MACROD2: variants seen among roughly 807,000 people sequenced by gnomAD.
MACROD2 encodes the protein ADP-ribose glycohydrolase MACROD2.
Under a neutral mutation model 70.4 loss-of-function variants are expected in MACROD2, and 36 were observed. The ratio of observed to expected loss-of-function variants is 0.51; its 90% confidence interval spans 0.39 to 0.68. The LOEUF (loss-of-function observed/expected upper bound fraction) is 0.68, where lower values mean the gene tolerates loss of function less well. MACROD2 is among the 30% of genes least tolerant of loss of function. The probability of loss-of-function intolerance (pLI) is 0.00; values close to 1 mark genes in which losing one functional copy is unlikely to be tolerated. For missense variants in MACROD2, 496 were observed against 538.4 expected, an observed-to-expected ratio of 0.92 and a Z score of 0.78; for synonymous variants, 172 against 178.8, an observed-to-expected ratio of 0.96 and a Z score of 0.30.
At chr20:15,648,630 C>T (rs778494146) in intron 8 of MACROD2, among the ~76,000 whole-genome samples, 23 of 152,156 alleles carry the variant, frequency 1.5e-4, no homozygotes, top group Non-Finnish European at 2.1e-4. Context: ...CTTTCTCACG[C>T]GACAGTGTTT....
At chr20:14,213,361 CAAAA>C (rs60009822) in intron 3 of MACROD2, among the ~76,000 whole-genome samples, 3 of 30,262 alleles carry the variant, frequency 9.9e-5, no homozygotes, top group East Asian at 1.2e-3. Context: ...CTTCTAGTGG[CAAAA>C]AAAAAAAAAA....
At position 15,184,397 on chromosome 20, in the gene MACROD2, AGAACAG is replaced by A. The variant is rs2076521096; in HGVS notation, c.419-45541_419-45536del. Among the ~76,000 whole-genome samples the A allele has an allele frequency of 2.0e-5, 3 of 152,330 alleles. No homozygotes were observed. The South Asian group carries it at 6.2e-4, about 32-fold the overall frequency. On this transcript the variant is annotated intron_variant, in intron 5 of 17. Transcript: ENST00000684519. ...AATATTTTACCCACATGTGTCAGTC[AGAACAG>A]GGTAGTTGCTATAATAAACAACCCC...
chr20:15,763,448 C>T (rs923884217), intron 8 of MACROD2, among the ~76,000 whole-genome samples: 2 of 152,170 alleles, frequency 1.3e-5, no homozygotes, highest in African/African-American at 4.8e-5. Flanking sequence ...AGTATATATT[C>T]ACCACACACA....
intron 5 of MACROD2, among the ~76,000 whole-genome samples, chr20:14,954,650 T>C (rs1001272344): frequency 7.8e-6 from 1 of 128,334 alleles, no homozygotes. Context: ...ATAATATATA[T>C]AATTTAGGTA....
At chr20:14,651,316 G>A (rs1040522913) in intron 4 of MACROD2, among the ~76,000 whole-genome samples, 1 of 152,072 alleles carries the variant, frequency 6.6e-6, no homozygotes, top group African/African-American at 2.4e-5. Context: ...GAAGATTAGT[G>A]CATAGGAACT....
intron 5 of MACROD2, among the ~76,000 whole-genome samples, chr20:14,786,081 T>C (rs1471706687): frequency 2.0e-5 from 3 of 152,118 alleles, no homozygotes; most frequent in East Asian, 1.9e-4. Flanking sequence ...CAATATTGCT[T>C]CTGTCAGATC....
At chr20:14,801,247 G>A (rs769530144) in intron 5 of MACROD2, among the ~76,000 whole-genome samples, 5 of 152,070 alleles carry the variant, frequency 3.3e-5, no homozygotes, top group South Asian at 4.1e-4. Flanking sequence ...TTTCCCCTGC[G>A]CCCCTCAGCA....
intron 5 of MACROD2, among the ~76,000 whole-genome samples, chr20:15,229,429 GTTA>G (rs2076940628): frequency 6.6e-6 from 1 of 152,136 alleles, no homozygotes; most frequent in African/African-American, 2.4e-5. Flanking sequence ...TCTTCTCAAG[GTTA>G]TTAATGATTA....
rs1011108950 is a variant in MACROD2 at position 14,708,867 on chromosome 20, C to T, written c.418+23908C>T. Among the ~76,000 whole-genome samples the T allele has an allele frequency of 4.5e-4, 68 of 152,136 alleles. 4 individuals carry two copies. The highest frequency in any genetic ancestry group is 6.5e-5 in the Admixed American group (1 of 15,270). On this transcript the variant is annotated intron_variant, in intron 5 of 17. Transcript: ENST00000684519. ...ACTCCTGACCTCGTGATCCACCCACCTCGGCCTCCCAAAGTGCTGGAATTA... is the reference window on the plus strand; with the variant it reads ...ACTCCTGACCTCGTGATCCACCCACTTCGGCCTCCCAAAGTGCTGGAATTA...
At chr20:15,203,447 C>T (rs567796653) in intron 5 of MACROD2, among the ~76,000 whole-genome samples, 1 of 152,092 alleles carries the variant, frequency 6.6e-6, no homozygotes, top group African/African-American at 2.4e-5. Context: ...GTGGATAATT[C>T]CTTGACTATT....
intron 3 of MACROD2, among the ~76,000 whole-genome samples, chr20:14,251,141 T>C (rs2082009226): frequency 6.6e-6 from 1 of 152,156 alleles, no homozygotes; most frequent in Non-Finnish European, 1.5e-5. Context: ...TACTATCAGA[T>C]CACAACAAAA....
intron 3 of MACROD2, among the ~76,000 whole-genome samples, chr20:14,379,605 T>C (rs1214782179): frequency 6.6e-6 from 1 of 152,116 alleles, no homozygotes. Flanking sequence ...TAAACAATAA[T>C]TCCCCATTTT....
intron 3 of MACROD2, among the ~76,000 whole-genome samples, chr20:14,432,938 A>G (rs1471925303): frequency 1.3e-5 from 2 of 152,076 alleles, no homozygotes; most frequent in Non-Finnish European, 2.9e-5. Flanking sequence ...GAGACTGAAA[A>G]TTTTATGCAT....
chr20:14,476,429 C>A (rs763389321), intron 3 of MACROD2, among the ~76,000 whole-genome samples: 20 of 152,194 alleles, frequency 1.3e-4, no homozygotes, highest in Non-Finnish European at 2.8e-4. Context: ...AATCTCAGCT[C>A]ATTGCAACCT....
At chr20:14,556,559 ACC>A (rs963632529) in intron 4 of MACROD2, among the ~76,000 whole-genome samples, 1 of 152,062 alleles carries the variant, frequency 6.6e-6, no homozygotes, top group Admixed American at 6.6e-5. Context: ...TCTGCCAAAC[ACC>A]ACTGGAAAAC....
intron 8 of MACROD2, among the ~76,000 whole-genome samples, chr20:15,700,864 G>A (rs1349100129): frequency 2.0e-5 from 3 of 152,214 alleles, no homozygotes; most frequent in Non-Finnish European, 1.5e-5. Context: ...AAGTTAGCAT[G>A]TATGGAGATA....
At chr20:14,987,604 G>A (rs1186420824) in intron 5 of MACROD2, among the ~76,000 whole-genome samples, 1 of 151,972 alleles carries the variant, frequency 6.6e-6, no homozygotes, top group East Asian at 1.9e-4. Context: ...ATATATTCCA[G>A]GCTCTAAAAT....
intron 8 of MACROD2, among the ~76,000 whole-genome samples, chr20:15,645,932 A>G (rs1176533734): frequency 1.3e-5 from 2 of 152,248 alleles, no homozygotes; most frequent in Non-Finnish European, 2.9e-5. Flanking sequence ...AATGGTAGAC[A>G]TGGCTTTCAG....
At chr20:15,687,675 A>G (rs2050245746) in intron 8 of MACROD2, among the ~76,000 whole-genome samples, 1 of 151,724 alleles carries the variant, frequency 6.6e-6, no homozygotes, top group African/African-American at 2.4e-5. Flanking sequence ...TTCTTGACAT[A>G]CTCTGGTTTT....
Sources: allele counts gnomAD v4.1 joint callset (sites outside exome capture counted in the v4.1 genomes callset), GRCh38; gene constraint gnomAD v4.1.1; transcripts MANE v1.5; gene names NCBI Gene and HGNC (gene_info 2026-07-23, HGNC 2026-07-21).